CHSY3: variants seen among roughly 807,000 people sequenced by gnomAD.
The protein encoded by CHSY3 is N-acetylgalactosaminyl-proteoglycan 3-beta-glucuronosyltransferase 3.
A neutral mutation model predicts 67.2 loss-of-function variants in CHSY3; 35 were observed. That is an observed-to-expected ratio of 0.52 (90% CI 0.40 to 0.69). The LOEUF (loss-of-function observed/expected upper bound fraction) is 0.69, where lower values mean the gene tolerates loss of function less well. CHSY3 is among the 30% of genes least tolerant of loss of function. CHSY3 has a pLI of 0.00. For synonymous variants in CHSY3, 474 were observed against 434.7 expected (o/e 1.09, Z -1.12); for missense variants, 1,069 against 1,138.5 (o/e 0.94, Z 0.88).
chr5:130,061,075 T>C (rs1765697270), intron 2 of CHSY3, among the ~76,000 whole-genome samples: 1 of 152,102 alleles, frequency 6.6e-6, no homozygotes, highest in Non-Finnish European at 1.5e-5. Flanking sequence ...AAAGTTCATA[T>C]GGAACCAGAA....
chr5:130,042,232 TCTC>T (rs1580676602), intron 2 of CHSY3, among the ~76,000 whole-genome samples: 1 of 152,072 alleles, frequency 6.6e-6, no homozygotes, highest in East Asian at 1.9e-4. Flanking sequence ...TGAGACCCTG[TCTC>T]CAAATTTTTT....
chr5:129,904,146 G>A (rs1035795627), upstream of CHSY3, among the ~76,000 whole-genome samples: 7 of 152,054 alleles, frequency 4.6e-5, no homozygotes, highest in African/African-American at 1.7e-4. Flanking sequence ...CGGAGGGGCG[G>A]GACGGGACGG....
intron 2 of CHSY3, among the ~76,000 whole-genome samples, chr5:129,970,980 A>G (rs1202219620): frequency 6.6e-6 from 1 of 151,868 alleles, no homozygotes; most frequent in African/African-American, 2.4e-5. Context: ...TAAAGCTATG[A>G]TATTAAGGCT....
At chr5:129,950,311 C>T (rs1051108378) in intron 2 of CHSY3, among the ~76,000 whole-genome samples, 1 of 152,052 alleles carries the variant, frequency 6.6e-6, no homozygotes, top group African/African-American at 2.4e-5. Flanking sequence ...GATAAGCCTG[C>T]ACCATCATAC....
intron 2 of CHSY3, among the ~76,000 whole-genome samples, chr5:130,180,145 C>A (rs540030413): frequency 6.6e-6 from 1 of 152,120 alleles, no homozygotes; most frequent in Admixed American, 6.5e-5. Flanking sequence ...ACCCTTGAAC[C>A]CTTTGGGCAC....
intron 2 of CHSY3, among the ~76,000 whole-genome samples, chr5:129,999,981 T>C (rs1763672600): frequency 6.6e-6 from 1 of 152,128 alleles, no homozygotes; most frequent in Non-Finnish European, 1.5e-5. Context: ...CCATTGTCTT[T>C]GAGAAAGCTA....
intron 2 of CHSY3, among the ~76,000 whole-genome samples, chr5:129,919,751 A>G (rs539195764): frequency 3.9e-5 from 6 of 152,332 alleles, no homozygotes; most frequent in African/African-American, 1.4e-4. Flanking sequence ...CAGCCAAACC[A>G]TATCAGTTGG....
At chr5:130,165,957 G>A (rs1769735410) in intron 2 of CHSY3, among the ~76,000 whole-genome samples, 1 of 151,974 alleles carries the variant, frequency 6.6e-6, no homozygotes, top group African/African-American at 2.4e-5. Flanking sequence ...ACACTGATCT[G>A]TTTTAAACAA....
chr5:130,031,155 G>A (rs1764694746), intron 2 of CHSY3, among the ~76,000 whole-genome samples: 2 of 151,704 alleles, frequency 1.3e-5, no homozygotes, highest in South Asian at 4.2e-4. Flanking sequence ...AAGATAAACA[G>A]TTAAAAAAAG....
chr5:129,953,159 GTGATGTTCCCCT>G (rs1762073104), intron 2 of CHSY3, among the ~76,000 whole-genome samples: 2 of 151,934 alleles, frequency 1.3e-5, no homozygotes, highest in African/African-American at 4.8e-5. Flanking sequence ...GTCCCAATGT[GTGATGTTCCCCT>G]TCCTGTGTCC....
At chr5:129,941,662 C>G (rs1278723162) in intron 2 of CHSY3, among the ~76,000 whole-genome samples, 1 of 152,150 alleles carries the variant, frequency 6.6e-6, no homozygotes, top group African/African-American at 2.4e-5. Context: ...TTCCTCTAAT[C>G]TCATACTACC....
intron 2 of CHSY3, among the ~76,000 whole-genome samples, chr5:129,972,457 G>T (rs1199925520): frequency 6.6e-6 from 1 of 151,954 alleles, no homozygotes; most frequent in African/African-American, 2.4e-5. Flanking sequence ...TGCTATATAT[G>T]TCTATACATC....
At chr5:129,955,422 A>AT (rs893903550) in intron 2 of CHSY3, among the ~76,000 whole-genome samples, 15 of 150,814 alleles carry the variant, frequency 9.9e-5, no homozygotes, top group Admixed American at 6.6e-4. Context: ...TGTTTTTAAT[A>AT]TTTTTTCCCG....
At chr5:130,085,076 A>G (rs1487070736) in intron 2 of CHSY3, among the ~76,000 whole-genome samples, 1 of 151,940 alleles carries the variant, frequency 6.6e-6, no homozygotes, top group Non-Finnish European at 1.5e-5. Flanking sequence ...TCCACTTCTC[A>G]TCATGGCCTG....
chr5:130,129,828 A>G (rs1238356828), intron 2 of CHSY3, among the ~76,000 whole-genome samples: 2 of 152,072 alleles, frequency 1.3e-5, no homozygotes, highest in Admixed American at 1.3e-4. Flanking sequence ...CTGAGTGACC[A>G]TAAGGACCCA....
At chr5:130,008,928 T>TA (rs1253730792) in intron 2 of CHSY3, among the ~76,000 whole-genome samples, 1 of 151,984 alleles carries the variant, frequency 6.6e-6, no homozygotes, top group Non-Finnish European at 1.5e-5. Flanking sequence ...AAAAGAATTT[T>TA]AAAAAAGGAA....
chr5:129,969,477 T>G (rs1762574104), intron 2 of CHSY3, among the ~76,000 whole-genome samples: 2 of 151,898 alleles, frequency 1.3e-5, no homozygotes, highest in Admixed American at 1.3e-4. Flanking sequence ...GATTGCATGC[T>G]AAACACATTT....
intron 2 of CHSY3, among the ~76,000 whole-genome samples, chr5:129,964,593 C>T (rs533985793): frequency 5.9e-5 from 9 of 151,854 alleles, no homozygotes; most frequent in Admixed American, 5.9e-4. Context: ...ATGCGCAGTC[C>T]TATCTCGTCT....
At chr5:130,101,207 G>GTTTTT (rs1767232673) in intron 2 of CHSY3, among the ~76,000 whole-genome samples, 1 of 152,006 alleles carries the variant, frequency 6.6e-6, no homozygotes, top group African/African-American at 2.4e-5. Context: ...TTTTGTTTTT[G>GTTTTT]TTTTTGTTGT....
Sources: gnomAD v4.1 joint callset for allele counts (sites outside exome capture counted in the v4.1 genomes callset) on GRCh38, gnomAD v4.1.1 for gene constraint, MANE v1.5 for transcripts, NCBI Gene and HGNC (gene_info 2026-07-23, HGNC 2026-07-21) for gene names.